Variants in NELL2 observed in about 807,000 individuals in gnomAD.
NELL2 encodes protein kinase C-binding protein NELL2.
A neutral mutation model predicts 109.6 loss-of-function variants in NELL2; 41 were observed. The observed-to-expected ratio is 0.37, with a 90% CI of 0.29 to 0.49. The LOEUF is 0.49. Ranked by LOEUF, NELL2 falls within the 20% of genes least tolerant of loss-of-function variation. The pLI, the probability that NELL2 is intolerant of heterozygous loss-of-function variation, is 0.98. For synonymous variants in NELL2, 355 were observed against 344.7 expected (o/e 1.03, Z -0.33); for missense variants, 900 against 1,008.3 (o/e 0.89, Z 1.45).
At chr12:44,572,740 C>A (rs1314237016) in intron 15 of NELL2, among the ~76,000 whole-genome samples, 2 of 151,988 alleles carry the variant, frequency 1.3e-5, no homozygotes, top group Admixed American at 6.6e-5. Context: ...TCAAAATCAC[C>A]ACCATCAATT....
intron 9 of NELL2, among the ~76,000 whole-genome samples, chr12:44,737,941 C>T (rs1416965679): frequency 6.6e-6 from 1 of 151,726 alleles, no homozygotes; most frequent in Non-Finnish European, 1.5e-5. Context: ...AAAATACAGA[C>T]CAGCTGCTGA....
chr12:44,707,620 T>C (rs1937956377), intron 11 of NELL2, among the ~76,000 whole-genome samples: 1 of 152,132 alleles, frequency 6.6e-6, no homozygotes, highest in African/African-American at 2.4e-5. Context: ...ATCCTAGTGT[T>C]TCCTAAAGTG....
chr12:44,709,801 C>T (rs1023172034), intron 11 of NELL2, among the ~76,000 whole-genome samples: 3 of 152,140 alleles, frequency 2.0e-5, no homozygotes, highest in African/African-American at 7.2e-5. Flanking sequence ...CTGATATGGC[C>T]TGCCTATGTT....
intron 8 of NELL2, 113 bp from the exon 9 acceptor site, chr12:44,774,962 G>T: frequency 1.4e-6 from 1 of 712,248 alleles, no homozygotes; most frequent in Non-Finnish European, 2.3e-6. Context: ...AACAGAACAG[G>T]CCATTCATTG....
chr12:44,870,353 C>T (rs1320358979), intron 2 of NELL2, among the ~76,000 whole-genome samples: 1 of 152,146 alleles, frequency 6.6e-6, no homozygotes, highest in Non-Finnish European at 1.5e-5. Context: ...CAGCATCTGC[C>T]CATTGCCCAG....
chr12:44,525,725 C>T (rs1464135342), intron 16 of NELL2, among the ~76,000 whole-genome samples: 2 of 152,124 alleles, frequency 1.3e-5, no homozygotes, highest in Non-Finnish European at 2.9e-5. Context: ...TTGCTAAATC[C>T]ATTTGTCAGT....
intron 15 of NELL2, among the ~76,000 whole-genome samples, chr12:44,592,737 T>A (rs1483814548): frequency 6.6e-6 from 1 of 152,132 alleles, no homozygotes; most frequent in Non-Finnish European, 1.5e-5. Flanking sequence ...TATTGCAGAT[T>A]TTACAAAAAT....
chr12:44,553,093 G>A (rs1176042761), intron 15 of NELL2, among the ~76,000 whole-genome samples: 1 of 129,844 alleles, frequency 7.7e-6, no homozygotes, highest in Non-Finnish European at 1.6e-5. Flanking sequence ...CACAGGAAGG[G>A]GAATATCACA....
intron 13 of NELL2, among the ~76,000 whole-genome samples, chr12:44,617,053 A>G (rs1000725612): frequency 2.0e-5 from 3 of 152,144 alleles, no homozygotes; most frequent in Non-Finnish European, 4.4e-5. Flanking sequence ...TTTTAGGTCT[A>G]TAAGAAAAAA....
At chr12:44,624,895 T>C (rs1366802200) in intron 13 of NELL2, among the ~76,000 whole-genome samples, 2 of 150,820 alleles carry the variant, frequency 1.3e-5, no homozygotes, top group East Asian at 2.0e-4. Flanking sequence ...TTATGGAAAG[T>C]TCCAGATCAG....
At chr12:44,884,730 T>A (rs1168311213) in intron 1 of NELL2, among the ~76,000 whole-genome samples, 1 of 151,994 alleles carries the variant, frequency 6.6e-6, no homozygotes, top group Non-Finnish European at 1.5e-5. Flanking sequence ...AATGCAAGGT[T>A]GATAAAATAT....
intron 2 of NELL2, among the ~76,000 whole-genome samples, chr12:44,870,706 T>C (rs1945137378): frequency 6.6e-6 from 1 of 152,150 alleles, no homozygotes; most frequent in African/African-American, 2.4e-5. Context: ...GTTTTTCTCA[T>C]ATCACATCAC....
At chr12:44,647,461 G>C (rs925805118) in intron 13 of NELL2, among the ~76,000 whole-genome samples, 3 of 152,100 alleles carry the variant, frequency 2.0e-5, no homozygotes, top group African/African-American at 7.3e-5. Context: ...AGATGAAAAA[G>C]ACATAAAGTC....
At chr12:44,595,671 G>A (rs1037940628) in intron 15 of NELL2, among the ~76,000 whole-genome samples, 5 of 147,118 alleles carry the variant, frequency 3.4e-5, no homozygotes, top group Non-Finnish European at 7.4e-5. Flanking sequence ...TCGATCTCCT[G>A]ACCTCATGAT....
intron 1 of NELL2, among the ~76,000 whole-genome samples, chr12:44,908,006 T>A (rs770858081): frequency 2.6e-5 from 4 of 152,012 alleles, no homozygotes; most frequent in Non-Finnish European, 4.4e-5. Flanking sequence ...GTTGCTTTTA[T>A]TTTCTCAGTG....
chr12:44,557,907 T>A (rs1239934061), intron 15 of NELL2, among the ~76,000 whole-genome samples: 1 of 152,060 alleles, frequency 6.6e-6, no homozygotes, highest in Non-Finnish European at 1.5e-5. Flanking sequence ...AAGAGAACTG[T>A]CCACAGTTCA....
At chr12:44,763,871 T>TAA (rs71093824) in intron 9 of NELL2, among the ~76,000 whole-genome samples, 20,599 of 151,828 alleles carry the variant, frequency 0.14, 1,625 homozygotes, top group East Asian at 0.27. Flanking sequence ...AGATTTACAA[T>TAA]AAAAAAAACA....
At chr12:44,654,298 T>C (rs531990597) in intron 13 of NELL2, among the ~76,000 whole-genome samples, 1 of 152,296 alleles carries the variant, frequency 6.6e-6, no homozygotes, top group East Asian at 1.9e-4. Flanking sequence ...TCACACACAG[T>C]TCCTACACCA....
At chr12:44,725,533 A>G (rs1348447072) in intron 9 of NELL2, among the ~76,000 whole-genome samples, 1 of 152,194 alleles carries the variant, frequency 6.6e-6, no homozygotes, top group Non-Finnish European at 1.5e-5. Context: ...AAATCTTTCT[A>G]CCATAAAGAC....
Sources: allele counts gnomAD v4.1 joint callset (sites outside exome capture counted in the v4.1 genomes callset), GRCh38; gene constraint gnomAD v4.1.1; transcripts MANE v1.5; gene names NCBI Gene and HGNC (gene_info 2026-07-23, HGNC 2026-07-21).